Variants in PITPNM3 observed in about 807,000 individuals in gnomAD.
PITPNM3 encodes the protein PITPNM family member 3, also known as membrane-associated phosphatidylinositol transfer protein 3.
A neutral mutation model predicts 102.0 loss-of-function variants in PITPNM3; 26 were observed. The observed-to-expected ratio is 0.25, with a 90% CI of 0.19 to 0.35. The LOEUF (loss-of-function observed/expected upper bound fraction) is 0.35, where lower values mean the gene tolerates loss of function less well. PITPNM3 is among the 10% of genes least tolerant of loss of function. The pLI is 1.00. For synonymous variants in PITPNM3, 578 were observed against 558.6 expected (o/e 1.03, Z -0.49); for missense variants, 1,083 against 1,346.1 (o/e 0.80, Z 3.06).
rs80002425 is a variant in PITPNM3, at chr17:6,458,876, A to G, written c.2491-1154T>C. On this transcript the variant is annotated intron_variant, in intron 18 of 19. Coordinates refer to ENST00000262483, the MANE Select transcript of PITPNM3 (RefSeq NM_031220.4). The surrounding 1 kb of genome is among the most constrained non-coding windows in gnomAD (Gnocchi z 5.1). ...TACATGCTGCCCACCGAGAGCTGCT[A>G]AAGAAACAGAGCCACGCAGCTCTCA... Among the ~76,000 whole-genome samples the G allele has an allele frequency of 7.9e-3, 1,201 of 151,812 alleles. 16 individuals are homozygous for G. Among genetic ancestry groups the G allele is most frequent in the African/African-American group, 0.027 (1,136 of 41,352 alleles).
chr17:6,505,818 A>T (rs79127317), intron 3 of PITPNM3, among the ~76,000 whole-genome samples: 5,043 of 152,266 alleles, frequency 0.033, 106 homozygotes, highest in Non-Finnish European at 0.053. Flanking sequence ...GAGCAAGAAC[A>T]CCTCTGTGCA....
intron 3 of PITPNM3, among the ~76,000 whole-genome samples, chr17:6,524,004 C>T (rs1021660872): frequency 2.0e-5 from 3 of 152,208 alleles, no homozygotes; most frequent in Non-Finnish European, 4.4e-5. Flanking sequence ...TTGGGCAAGA[C>T]GTGGCTCCTC....
rs1453135547 is a variant in PITPNM3 at position 6,476,412 on chromosome 17, T to G, written c.1085+617A>C. ...AATTAACGTGTAAGCTGAATTAATG[T>G]GCAGATAATGTGTTTAGCCCACATT... On this transcript the variant is annotated intron_variant, in intron 9 of 19. Transcript: ENST00000262483. 2.0e-5 allele frequency among the ~76,000 whole-genome samples: 3 copies of G among 152,242 alleles called. No individual in the cohort carries two copies. In the East Asian group the frequency reaches 5.8e-4, roughly 29 times the overall value.
intron 2 of PITPNM3, among the ~76,000 whole-genome samples, chr17:6,527,950 T>A (rs892072665): frequency 6.6e-6 from 1 of 152,260 alleles, no homozygotes; most frequent in Non-Finnish European, 1.5e-5. Flanking sequence ...TACTCCTGCA[T>A]GGCCCAGGCC....
At chr17:6,474,244 C>T (rs968685514) in intron 10 of PITPNM3, among the ~76,000 whole-genome samples, 188 bp downstream of exon 10, 6 of 152,148 alleles carry the variant, frequency 3.9e-5, no homozygotes, top group African/African-American at 1.2e-4. Context: ...CACCTTCGCC[C>T]TGTGTCAGGA....
intron 4 of PITPNM3, among the ~76,000 whole-genome samples, chr17:6,486,404 G>A (rs1906096771): frequency 6.6e-6 from 1 of 152,098 alleles, no homozygotes; most frequent in African/African-American, 2.4e-5. Flanking sequence ...GGCAACCCTA[G>A]GCACCCTGTC....
chr17:6,455,365 C>G lies in PITPNM3; in HGVS notation c.2898G>C (p.Gly966=), dbSNP rs1914041157. 2.5e-6 allele frequency: 4 copies of G among 1,583,534 alleles called. No homozygotes were observed. Among genetic ancestry groups the G allele is most frequent in the Admixed American group, 1.7e-5 (1 of 57,800 alleles). The change falls in exon 20 of 20, where the codon GGG becomes GGC. Residue 966 remains glycine, a synonymous_variant. Transcript: ENST00000262483. ...RPLPALSWAR[G]PPKFESVP ...AGGGCACCGACTCGAACTTGGGGGG[C>G]CCACGCGCCCAGCTGAGCGCCGGCA...
At position 6,470,045 on chromosome 17, in the gene PITPNM3, G is replaced by A. The variant is rs1030668802; in HGVS notation, c.1773+215C>T. Among the ~76,000 whole-genome samples, 29 of 152,204 alleles carry A rather than the reference G, an allele frequency of 1.9e-4. No individual in the cohort carries two copies. The highest frequency in any genetic ancestry group is 1.7e-3 in the Admixed American group (26 of 15,286). On this transcript the variant is annotated intron_variant, in intron 13 of 19. Coordinates refer to ENST00000262483, the MANE Select transcript of PITPNM3 (RefSeq NM_031220.4). This position sits in a 1 kb window ranked among gnomAD's most constrained non-coding sequence, Gnocchi z 4.8. The stretch of plus-strand genomic sequence containing the variant: ...TATTTAATTTTCTAGAGTGTACCAT[G>A]CCGTCAGCCACCCAGGAGCCAATGT...
intron 1 of PITPNM3, among the ~76,000 whole-genome samples, chr17:6,540,829 T>G (rs1411186391): frequency 6.6e-6 from 1 of 152,192 alleles, no homozygotes; most frequent in Non-Finnish European, 1.5e-5. Flanking sequence ...CGGCTAATTT[T>G]TGTATTTTTA....
intron 5 of PITPNM3, 144 bp from the exon 6 acceptor site, chr17:6,483,896 T>C: frequency 1.3e-6 from 1 of 794,968 alleles, no homozygotes; most frequent in Non-Finnish European, 2.1e-6. Flanking sequence ...AAGCAGGCAC[T>C]ATGTCCAGCC....
At chr17:6,504,412 G>C (rs570937544) in intron 3 of PITPNM3, among the ~76,000 whole-genome samples, 5 of 152,260 alleles carry the variant, frequency 3.3e-5, no homozygotes, top group Non-Finnish European at 5.9e-5. Flanking sequence ...GTGTTCTCCA[G>C]ATGGATTCAT....
At chr17:6,503,458 A>C in intron 4 of PITPNM3, 69 bp downstream of exon 4, 1 of 1,526,454 alleles carries the variant, frequency 6.6e-7, no homozygotes. Flanking sequence ...ATGAGAGGGG[A>C]CCCAGGCTCA....
At position 6,478,492 on chromosome 17, in the gene PITPNM3, C is replaced by A. The variant is rs1905453079; in HGVS notation, c.777+55G>T. ...CTTTCAGTAGATTCCAGCCTCTCTC[C>A]CAGGCCGGGGCCGGAACAGGGGAGG... On this transcript the variant is annotated intron_variant, in intron 7 of 19. Coordinates refer to ENST00000262483, the MANE Select transcript of PITPNM3 (RefSeq NM_031220.4). This position sits in a 1 kb window ranked among gnomAD's most constrained non-coding sequence, Gnocchi z 4.4. 1.9e-6 allele frequency: 3 copies of A among 1,599,336 alleles called. No individual in the cohort carries two copies. The Admixed American group carries it at 5.0e-5, about 27-fold the overall frequency.
intron 19 of PITPNM3, among the ~76,000 whole-genome samples, chr17:6,456,787 T>G (rs1914136745): frequency 6.6e-6 from 1 of 152,148 alleles, no homozygotes; most frequent in South Asian, 2.1e-4. Context: ...TGGCACCTCC[T>G]ACGTGGTCAC....
intron 9 of PITPNM3, among the ~76,000 whole-genome samples, chr17:6,476,661 G>A (rs1453261649): frequency 2.0e-5 from 3 of 152,196 alleles, no homozygotes; most frequent in African/African-American, 7.2e-5. Flanking sequence ...CACACCTCGG[G>A]TGACTCACAA....
chr17:6,552,230 A>G (rs1910349003), intron 1 of PITPNM3, among the ~76,000 whole-genome samples: 1 of 152,130 alleles, frequency 6.6e-6, no homozygotes, highest in Admixed American at 6.5e-5. Context: ...CTGTCTCTGC[A>G]GATATTCCTG....
intron 6 of PITPNM3, chr17:6,481,788 T>C (rs1597374677): frequency 8.9e-6 from 1 of 112,866 alleles, no homozygotes; most frequent in Middle Eastern, 4.3e-3. Context: ...AGATAATGGA[T>C]GGACAGATGG....
intron 1 of PITPNM3, among the ~76,000 whole-genome samples, chr17:6,550,782 G>A (rs1336551404): frequency 6.6e-6 from 1 of 152,206 alleles, no homozygotes; most frequent in Non-Finnish European, 1.5e-5. Flanking sequence ...TGCCACACTG[G>A]ACTTCCAAAC....
At chr17:6,542,338 TTGTG>T (rs900568539) in intron 1 of PITPNM3, among the ~76,000 whole-genome samples, 36 of 152,322 alleles carry the variant, frequency 2.4e-4, no homozygotes, top group African/African-American at 7.9e-4. Flanking sequence ...TGCTTGGCTG[TTGTG>T]TGTGTGTCTA....
Sources: gnomAD v4.1 joint callset for allele counts (sites outside exome capture counted in the v4.1 genomes callset) on GRCh38, gnomAD v4.1.1 for gene constraint, Gnocchi (gnomAD v3.1) non-coding constraint, MANE v1.5 for transcripts, NCBI Gene and HGNC (gene_info 2026-07-23, HGNC 2026-07-21) for gene names.